MATCAP2: variants seen among roughly 807,000 people sequenced by gnomAD.
MATCAP2 encodes the protein microtubule associated tyrosine carboxypeptidase 2, also known as putative tyrosine carboxypeptidase MATCAP2.
At chr7:36,338,062 T>A in the MATCAP2 span, among the ~76,000 whole-genome samples, 6 of 152,132 alleles carry the variant, frequency 3.9e-5, no homozygotes, top group African/African-American at 9.7e-5. Flanking sequence ...ATAGTGTGGC[T>A]TACTTTCCAA....
At chr7:36,356,619 TC>T in the MATCAP2 span, 29 of 546,100 alleles carry the variant, frequency 5.3e-5, no homozygotes, top group Non-Finnish European at 9.1e-5. Context: ...AGTTTGTAAC[TC>T]CCACATGAAA....
At chr7:36,389,307 C>G in the MATCAP2 span, among the ~76,000 whole-genome samples, 5 of 152,140 alleles carry the variant, frequency 3.3e-5, no homozygotes, top group African/African-American at 9.6e-5. Flanking sequence ...GTGATCTGCC[C>G]GCCTCGGCCT....
chr7:36,333,393 T>C, the MATCAP2 span, among the ~76,000 whole-genome samples: 3 of 152,156 alleles, frequency 2.0e-5, no homozygotes, highest in African/African-American at 7.2e-5. Context: ...TGCTAATGGG[T>C]ATGGGTTTCT....
chr7:36,385,343 G>A, the MATCAP2 span, among the ~76,000 whole-genome samples: 1 of 152,168 alleles, frequency 6.6e-6, no homozygotes, highest in African/African-American at 2.4e-5. Context: ...TAAAATTCAT[G>A]TGGAAGAACA....
chr7:36,336,237 C>T, the MATCAP2 span: 1 of 1,535,324 alleles, frequency 6.5e-7, no homozygotes, highest in Non-Finnish European at 8.7e-7. Flanking sequence ...CCACCAGTGG[C>T]TTGTTCAAAT....
At chr7:36,340,583 C>T in the MATCAP2 span, among the ~76,000 whole-genome samples, 1 of 152,216 alleles carries the variant, frequency 6.6e-6, no homozygotes, top group Non-Finnish European at 1.5e-5. Flanking sequence ...AATCACTCTT[C>T]TCTGAATGTC....
the MATCAP2 span, among the ~76,000 whole-genome samples, chr7:36,372,077 G>GA: frequency 0.43 from 62,922 of 147,656 alleles, 13,743 homozygotes; most frequent in South Asian, 0.63. Flanking sequence ...GCTTGCAACT[G>GA]AAAAAAAAAA....
the MATCAP2 span, among the ~76,000 whole-genome samples, chr7:36,373,811 G>C: frequency 6.6e-6 from 1 of 152,084 alleles, no homozygotes; most frequent in Non-Finnish European, 1.5e-5. Context: ...TAGAGATGGA[G>C]TCTCGCTCTG....
the MATCAP2 span, among the ~76,000 whole-genome samples, chr7:36,371,981 C>T: frequency 6.6e-6 from 1 of 151,902 alleles, no homozygotes; most frequent in African/African-American, 2.4e-5. Flanking sequence ...TCTCAAAGTG[C>T]TGGGATTAAA....
At chr7:36,349,273 C>A in the MATCAP2 span, among the ~76,000 whole-genome samples, 1 of 152,174 alleles carries the variant, frequency 6.6e-6, no homozygotes, top group Non-Finnish European at 1.5e-5. Context: ...CTTTTGCCAA[C>A]AATCCAGTTT....
chr7:36,380,285 G>A, the MATCAP2 span, among the ~76,000 whole-genome samples: 1 of 152,128 alleles, frequency 6.6e-6, no homozygotes, highest in Non-Finnish European at 1.5e-5. Context: ...CAAAGTGGGT[G>A]GTAAGGTCAT....
the MATCAP2 span, among the ~76,000 whole-genome samples, chr7:36,357,767 T>C: frequency 1.3e-5 from 2 of 152,242 alleles, no homozygotes; most frequent in African/African-American, 4.8e-5. Context: ...TCACGCTAGC[T>C]ACTGTCATTT....
At chr7:36,345,038 C>T in the MATCAP2 span, among the ~76,000 whole-genome samples, 2 of 152,156 alleles carry the variant, frequency 1.3e-5, no homozygotes, top group African/African-American at 4.8e-5. Context: ...GACTTTGGAC[C>T]TTCCCTTTGT....
the MATCAP2 span, among the ~76,000 whole-genome samples, chr7:36,339,060 C>T: frequency 6.6e-6 from 1 of 152,230 alleles, no homozygotes; most frequent in African/African-American, 2.4e-5. Flanking sequence ...CCACCGTGGA[C>T]ACATCTTCTC....
chr7:36,388,346 G>A, the MATCAP2 span, among the ~76,000 whole-genome samples: 1 of 151,366 alleles, frequency 6.6e-6, no homozygotes, highest in South Asian at 2.1e-4. Flanking sequence ...TAACTGGGTG[G>A]AGCCCTGACC....
the MATCAP2 span, chr7:36,326,839 T>C: frequency 6.2e-7 from 1 of 1,614,160 alleles, no homozygotes; most frequent in Admixed American, 1.7e-5. Context: ...ATATCGGCCA[T>C]GGTCCTGCAG....
At chr7:36,389,914 C>T in the MATCAP2 span, 7 of 1,594,590 alleles carry the variant, frequency 4.4e-6, no homozygotes, top group Non-Finnish European at 6.0e-6. Flanking sequence ...GGGAGAGTTC[C>T]CCCGCCTCAG....
chr7:36,357,865 T>C, the MATCAP2 span, among the ~76,000 whole-genome samples: 1 of 152,166 alleles, frequency 6.6e-6, no homozygotes, highest in Non-Finnish European at 1.5e-5. Context: ...ATATGTGAGA[T>C]AATATACATA....
the MATCAP2 span, among the ~76,000 whole-genome samples, chr7:36,352,964 A>G: frequency 6.0e-3 from 913 of 151,966 alleles, 4 homozygotes; most frequent in Middle Eastern, 0.02. Context: ...TGCCTTGTCT[A>G]TGCTTTCCCC....
Sources: gnomAD v4.1 joint callset for allele counts (sites outside exome capture counted in the v4.1 genomes callset) on GRCh38, gnomAD v4.1.1 for gene constraint, MANE v1.5 for transcripts, NCBI Gene and HGNC (gene_info 2026-07-23, HGNC 2026-07-21) for gene names.